Variants in NELL2 observed in about 807,000 individuals in gnomAD.
The protein encoded by NELL2 is protein kinase C-binding protein NELL2.
In NELL2, 41 loss-of-function variants were observed where a neutral mutation model predicts 109.6. The ratio of observed to expected loss-of-function variants is 0.37; its 90% confidence interval spans 0.29 to 0.49. NELL2 has a LOEUF of 0.49. NELL2 is among the 20% of genes least tolerant of loss of function. The pLI, the probability that NELL2 is intolerant of heterozygous loss-of-function variation, is 0.98. For missense variants in NELL2, 900 were observed against 1,008.3 expected (o/e 0.89, Z 1.45); for synonymous variants, 355 against 344.7 (o/e 1.03, Z -0.33).
At chr12:44,688,597 A>G (rs1566168004) in intron 12 of NELL2, among the ~76,000 whole-genome samples, 1 of 152,260 alleles carries the variant, frequency 6.6e-6, no homozygotes, top group South Asian at 2.1e-4. Flanking sequence ...GTTAGTAAAC[A>G]GCAGAGGTAA....
chr12:44,592,660 T>C (rs1213160971), intron 15 of NELL2, among the ~76,000 whole-genome samples: 1 of 152,076 alleles, frequency 6.6e-6, no homozygotes, highest in Admixed American at 6.6e-5. Context: ...CAGGGGTCAG[T>C]CTCTGGGGAC....
At chr12:44,920,609 C>T (rs1461743997) in intron 1 of NELL2, among the ~76,000 whole-genome samples, 1 of 152,148 alleles carries the variant, frequency 6.6e-6, no homozygotes, top group African/African-American at 2.4e-5. Context: ...TAAAGCTCAT[C>T]TACTGCCCAC....
Position 44,773,935 on chromosome 12 carries a change from T to C in NELL2, c.994+812A>G, listed in dbSNP as rs141699681. Among the ~76,000 whole-genome samples the C allele has an allele frequency of 3.3e-3, 510 of 152,256 alleles. 2 individuals carry two copies. The highest frequency in any genetic ancestry group is 5.3e-3 in the Non-Finnish European group (362 of 68,024). On this transcript the variant is annotated intron_variant, in intron 9 of 19. Coordinates refer to ENST00000429094, the MANE Select transcript of NELL2 (RefSeq NM_001145108.2). The stretch of plus-strand genomic sequence containing the variant: ...ACCCCGCCGCCACTTCTCCCTACTT[T>C]GTCTTTTTGAGAGTATACATATAAA...
intron 11 of NELL2, among the ~76,000 whole-genome samples, chr12:44,706,239 C>T (rs1369326028): frequency 3.0e-4 from 46 of 152,136 alleles, no homozygotes; most frequent in Admixed American, 3.0e-3. Context: ...TTCCAATTCT[C>T]TATAAACAAT....
chr12:44,645,885 A>T lies in NELL2; in HGVS notation c.1444+19599T>A, dbSNP rs543519807. 9.5e-4 allele frequency among the ~76,000 whole-genome samples: 145 copies of T among 152,226 alleles called. 1 individual carries two copies. In the South Asian group the frequency reaches 0.014, roughly 15 times the overall value. On this transcript the variant is annotated intron_variant, in intron 13 of 19. Transcript: ENST00000429094. ...TTTATCCAGTATATTATAGTATATT[A>T]TACTCTTTTTTACCCTCATCTTGCA... is the stretch of plus-strand genomic sequence containing the variant.
chr12:44,859,577 C>T (rs1353436715), intron 2 of NELL2, among the ~76,000 whole-genome samples: 2 of 152,032 alleles, frequency 1.3e-5, no homozygotes, highest in Non-Finnish European at 2.9e-5. Flanking sequence ...ACATATCACA[C>T]CATAAAGCCT....
Position 44,605,485 on chromosome 12 carries a change from G to T in NELL2, c.1663+1684C>A, listed in dbSNP as rs549604336. On this transcript the variant is annotated intron_variant, in intron 15 of 19. Transcript: ENST00000429094. The stretch of plus-strand genomic sequence containing the variant: ...GTCTGGGATTGTCTTCTTACAGACT[G>T]AAGGTTCAAGTATAATGAAATAGAG... Among the ~76,000 whole-genome samples the T allele has an allele frequency of 2.6e-5, 4 of 152,282 alleles. No individual in the cohort carries two copies. The East Asian group carries it at 7.7e-4, about 29-fold the overall frequency.
At position 44,760,999 on chromosome 12, in the gene NELL2, C is replaced by T. The variant is rs542153736; in HGVS notation, c.994+13748G>A. On this transcript the variant is annotated intron_variant, in intron 9 of 19. Transcript: ENST00000429094. ...AGTTTTATCATAAAAAGACCTCTTA[C>T]AAATGAGTAAGAAAAATGCAAATAA... Among the ~76,000 whole-genome samples, 29 of 152,248 alleles carry T rather than the reference C, an allele frequency of 1.9e-4. No homozygotes were observed. In the South Asian group the frequency reaches 6.0e-3, roughly 32 times the overall value.
chr12:44,554,370 T>G (rs577527085), intron 15 of NELL2, among the ~76,000 whole-genome samples: 1 of 152,292 alleles, frequency 6.6e-6, no homozygotes, highest in African/African-American at 2.4e-5. Flanking sequence ...ACATACTATA[T>G]GATTATGCTT....
chr12:44,657,535 G>T (rs1288451503), intron 13 of NELL2, among the ~76,000 whole-genome samples: 3 of 151,964 alleles, frequency 2.0e-5, no homozygotes, highest in Non-Finnish European at 2.9e-5. Flanking sequence ...GAACGTGCAG[G>T]TTGTCACATA....
At chr12:44,702,381 A>T (rs1949255911) in intron 12 of NELL2, among the ~76,000 whole-genome samples, 1 of 152,150 alleles carries the variant, frequency 6.6e-6, no homozygotes, top group Non-Finnish European at 1.5e-5. Flanking sequence ...GGTGCTTACT[A>T]AATATTTATT....
Position 44,875,961 on chromosome 12 carries a change from G to T in NELL2, c.-92C>A. On this transcript the variant is annotated 5_prime_UTR_variant, in exon 1 of 20. Transcript: ENST00000429094. ...GGAATCAAGCGGGAAAATAACGTTT[G>T]TCTCTCCTGCTGCTGCCTCGGATTT... 3.1e-6 allele frequency: 5 copies of T among 1,594,254 alleles called. No homozygotes were observed. Among genetic ancestry groups the T allele is most frequent in the South Asian group, 1.1e-5 (1 of 90,026 alleles).
intron 17 of NELL2, among the ~76,000 whole-genome samples, chr12:44,522,499 T>A (rs1041164735): frequency 2.6e-5 from 4 of 152,188 alleles, no homozygotes; most frequent in Non-Finnish European, 5.9e-5. Flanking sequence ...TGTATATTAG[T>A]ATGGTAAGTT....
At chr12:44,911,907 C>A (rs1945783912) in intron 1 of NELL2, among the ~76,000 whole-genome samples, 1 of 151,606 alleles carries the variant, frequency 6.6e-6, no homozygotes, top group African/African-American at 2.4e-5. Context: ...CAACATGGCA[C>A]ATGTATACAT....
intron 5 of NELL2, 94 bp from the exon 6 acceptor site, chr12:44,777,408 A>G (rs1450191321): frequency 2.1e-6 from 2 of 953,050 alleles, no homozygotes; most frequent in Non-Finnish European, 3.3e-6. Flanking sequence ...ATTACAGAAC[A>G]CACTCACTAA....
chr12:44,635,521 C>T (rs1406811679), intron 13 of NELL2, among the ~76,000 whole-genome samples: 3 of 152,148 alleles, frequency 2.0e-5, no homozygotes, highest in Non-Finnish European at 2.9e-5. Context: ...GTTTTCCCAA[C>T]ACCATTTATT....
At chr12:44,542,571 A>C (rs1942625011) in intron 15 of NELL2, among the ~76,000 whole-genome samples, 1 of 152,098 alleles carries the variant, frequency 6.6e-6, no homozygotes, top group Admixed American at 6.6e-5. Flanking sequence ...TAGGTGATAA[A>C]CTCAAGATAA....
chr12:44,515,000 G>A (rs1941195020), intron 19 of NELL2, among the ~76,000 whole-genome samples: 2 of 151,122 alleles, frequency 1.3e-5, no homozygotes, highest in Non-Finnish European at 3.0e-5. Flanking sequence ...AAAAGTTATA[G>A]TTTAAAATCC....
chr12:44,513,075 T>C (rs1721458759), intron 19 of NELL2, among the ~76,000 whole-genome samples: 1 of 151,994 alleles, frequency 6.6e-6, no homozygotes, highest in South Asian at 2.1e-4. Flanking sequence ...CCCATAAATA[T>C]GTGCAACCAC....
Sources: gnomAD v4.1 joint callset for allele counts (sites outside exome capture counted in the v4.1 genomes callset) on GRCh38, gnomAD v4.1.1 for gene constraint, MANE v1.5 for transcripts, NCBI Gene and HGNC (gene_info 2026-07-23, HGNC 2026-07-21) for gene names.